SPECC1: variants seen among roughly 807,000 people sequenced by gnomAD.
The protein encoded by SPECC1 is sperm antigen with calponin homology and coiled-coil domains 1.
SPECC1 carries 62 observed loss-of-function variants against 104.1 expected under a neutral mutation model. That is an observed-to-expected ratio of 0.60 (90% CI 0.49 to 0.74). The LOEUF is 0.74. Ranked by LOEUF, SPECC1 falls within the 30% of genes least tolerant of loss-of-function variation. SPECC1 has a pLI of 0.00. For missense variants in SPECC1, 1,306 were observed against 1,310.5 expected, an observed-to-expected ratio of 1.00 and a Z score of 0.05; for synonymous variants, 513 against 501.6, an observed-to-expected ratio of 1.02 and a Z score of -0.30.
chr17:20,085,007 TGAGGTTTACCA>T (rs1343313383), intron 1 of SPECC1, among the ~76,000 whole-genome samples: 1 of 152,208 alleles, frequency 6.6e-6, no homozygotes, highest in Non-Finnish European at 1.5e-5. Context: ...GGCTGTGAAC[TGAGGTTTACCA>T]GACAGTAGAG....
At chr17:20,300,874 G>A (rs2041554895) in intron 13 of SPECC1, among the ~76,000 whole-genome samples, 1 of 152,244 alleles carries the variant, frequency 6.6e-6, no homozygotes, top group Non-Finnish European at 1.5e-5. Context: ...GTCTGAGTCA[G>A]CCCTGGATGT....
intron 12 of SPECC1, among the ~76,000 whole-genome samples, chr17:20,271,994 G>A (rs1259295290): frequency 6.6e-6 from 1 of 151,486 alleles, no homozygotes; most frequent in Non-Finnish European, 1.5e-5. Context: ...AGTCGTTTGT[G>A]ATTTTTTTTT....
chr17:20,083,275 G>A (rs986628705), intron 1 of SPECC1, among the ~76,000 whole-genome samples: 5 of 152,190 alleles, frequency 3.3e-5, no homozygotes, highest in South Asian at 2.1e-4. Flanking sequence ...ATGCAAAGGC[G>A]AATCAGAGTT....
intron 3 of SPECC1, among the ~76,000 whole-genome samples, chr17:20,136,557 A>C (rs1321838369): frequency 6.6e-6 from 1 of 152,166 alleles, no homozygotes; most frequent in Non-Finnish European, 1.5e-5. Flanking sequence ...GTTACAGTGA[A>C]AAGTTTTGCT....
At chr17:20,121,004 C>A (rs2048999866) in intron 3 of SPECC1, among the ~76,000 whole-genome samples, 1 of 152,148 alleles carries the variant, frequency 6.6e-6, no homozygotes, top group Admixed American at 6.5e-5. Flanking sequence ...AAGACTATTT[C>A]CAGTTTCTGG....
At chr17:20,249,171 G>A (rs1249955804) in intron 9 of SPECC1, among the ~76,000 whole-genome samples, 1 of 152,128 alleles carries the variant, frequency 6.6e-6, no homozygotes, top group African/African-American at 2.4e-5. Flanking sequence ...TGTAATCCTA[G>A]CATTTTGGGA....
intron 3 of SPECC1, among the ~76,000 whole-genome samples, chr17:20,118,563 G>T (rs2048875825): frequency 6.6e-6 from 1 of 152,120 alleles, no homozygotes; most frequent in African/African-American, 2.4e-5. Flanking sequence ...ATAATATGGT[G>T]CATATGGTAT....
chr17:20,141,863 C>T (rs12947950), intron 3 of SPECC1, among the ~76,000 whole-genome samples: 36,214 of 152,124 alleles, frequency 0.24, 5,530 homozygotes, highest in Middle Eastern at 0.34. Flanking sequence ...GATTCAGTTA[C>T]GTAACTTTGT....
intron 3 of SPECC1, among the ~76,000 whole-genome samples, chr17:20,163,498 T>G (rs991707760): frequency 2.6e-5 from 4 of 152,174 alleles, no homozygotes; most frequent in Non-Finnish European, 5.9e-5. Flanking sequence ...TTAATAATTA[T>G]TCTAATAAAC....
chr17:20,020,329 G>GT (rs943681996), intron 1 of SPECC1, among the ~76,000 whole-genome samples: 4 of 151,830 alleles, frequency 2.6e-5, no homozygotes, highest in Admixed American at 6.6e-5. Context: ...CCCTTTCTCT[G>GT]TTTTTTTATT....
intron 12 of SPECC1, among the ~76,000 whole-genome samples, chr17:20,279,309 C>CTT (rs558884865): frequency 8.3e-5 from 11 of 131,852 alleles, no homozygotes; most frequent in East Asian, 4.4e-4. Context: ...ACTTTTCTTT[C>CTT]TTTTTTTTTT....
intron 3 of SPECC1, among the ~76,000 whole-genome samples, chr17:20,189,518 G>A (rs2035511657): frequency 6.6e-6 from 1 of 152,112 alleles, no homozygotes; most frequent in African/African-American, 2.4e-5. Context: ...TGGTTGTGTG[G>A]GCCGCCTGCT....
intron 2 of SPECC1, among the ~76,000 whole-genome samples, chr17:20,099,346 A>G (rs1320419982): frequency 6.6e-6 from 1 of 151,986 alleles, no homozygotes; most frequent in Non-Finnish European, 1.5e-5. Flanking sequence ...ATAACAGATC[A>G]TTAGAGCTGC....
In SPECC1 at chr17:20,286,681, T is replaced by C. The variant is rs547666967; in HGVS notation, c.2941-10280T>C. Among the ~76,000 whole-genome samples, 5 of 152,308 alleles carry C rather than the reference T, an allele frequency of 3.3e-5. No homozygotes were observed. In the East Asian group the frequency reaches 9.6e-4, roughly 29 times the overall value. The stretch of plus-strand genomic sequence containing the variant: ...GTTTTTCTGCCTGGTGCCCAGTATA[T>C]TGGCCCTGCCCACACGAGTACCTTG... On this transcript the variant is annotated intron_variant, in intron 12 of 14. Coordinates refer to ENST00000395527, the MANE Select transcript of SPECC1 (RefSeq NM_001243439.2).
chr17:20,230,089 GTTGATGAGCCTGGC>G (rs2038479625), intron 5 of SPECC1, among the ~76,000 whole-genome samples: 2 of 151,876 alleles, frequency 1.3e-5, no homozygotes, highest in African/African-American at 4.8e-5. Flanking sequence ...GGTTTCCATG[GTTGATGAGCCTGGC>G]TTGTTTATAG....
intron 3 of SPECC1, among the ~76,000 whole-genome samples, chr17:20,161,323 T>C: frequency 6.6e-6 from 1 of 152,248 alleles, no homozygotes; most frequent in East Asian, 1.9e-4. Context: ...GAGGATGTAG[T>C]GCCCCTAAAT....
chr17:20,096,314 G>C (rs2047639821), intron 1 of SPECC1, among the ~76,000 whole-genome samples: 1 of 152,158 alleles, frequency 6.6e-6, no homozygotes, highest in South Asian at 2.1e-4. Context: ...TTTTATCTGG[G>C]TGTGAGATAC....
chr17:20,279,623 T>C (rs995057674), intron 12 of SPECC1, among the ~76,000 whole-genome samples: 7 of 152,180 alleles, frequency 4.6e-5, no homozygotes, highest in Non-Finnish European at 1.5e-5. Flanking sequence ...CGCCCAGCCT[T>C]GAAGGTTACT....
intron 1 of SPECC1, among the ~76,000 whole-genome samples, chr17:20,077,112 A>C (rs1471941294): frequency 6.6e-6 from 1 of 152,192 alleles, no homozygotes; most frequent in Non-Finnish European, 1.5e-5. Context: ...ATTTTTAAAA[A>C]ACATGCAGTC....
Sources: allele counts gnomAD v4.1 joint callset (sites outside exome capture counted in the v4.1 genomes callset), GRCh38; gene constraint gnomAD v4.1.1; transcripts MANE v1.5; gene names NCBI Gene and HGNC (gene_info 2026-07-23, HGNC 2026-07-21).